The following ZNF292 variants were observed in gnomAD, a reference collection of about 807,000 sequenced individuals.
ZNF292 encodes the protein zinc finger protein 292.
Under a neutral mutation model 217.9 loss-of-function variants are expected in ZNF292, and 26 were observed. The observed-to-expected ratio is 0.12, with a 90% CI of 0.09 to 0.17. ZNF292 has a LOEUF of 0.17. Ranked by LOEUF, ZNF292 falls within the 10% of genes least tolerant of loss-of-function variation. The pLI is 1.00. For synonymous variants in ZNF292, 1,257 were observed against 1,124.1 expected, an observed-to-expected ratio of 1.12 and a Z score of -2.37; for missense variants, 2,904 against 3,175.2, an observed-to-expected ratio of 0.91 and a Z score of 2.05.
In ZNF292 at chr6:87,257,093, A is replaced by T; in HGVS notation, c.3464A>T (p.Tyr1155Phe). The change falls in exon 8 of 8, where the codon TAT (tyrosine) becomes TTT (phenylalanine). Residue 1155 changes from tyrosine (Y) to phenylalanine (F), a missense_variant. By Grantham distance (22) the Tyr-to-Phe change is conservative. Transcript: ENST00000369577. ...ACACCAAATAATGGAAAGTTTGTTT[A>T]TTTTTTGCCATCACCGGTGAACAGC... is the stretch of plus-strand genomic sequence containing the variant. Reference protein sequence around the residue: ...LNTPNNGKFVYFLPSPVNSSN... With the variant: ...LNTPNNGKFVFFLPSPVNSSN... 6.2e-7 allele frequency: 1 copy of T among 1,613,876 alleles called. No individual in the cohort carries two copies. Among genetic ancestry groups the T allele is most frequent in the Non-Finnish European group, 8.5e-7 (1 of 1,179,834 alleles).
At chr6:87,174,609 G>A (rs1474582215) in intron 1 of ZNF292, among the ~76,000 whole-genome samples, 1 of 152,052 alleles carries the variant, frequency 6.6e-6, no homozygotes, top group Non-Finnish European at 1.5e-5. Context: ...TACTAAGATA[G>A]TGAATGTTCT....
At chr6:87,236,049 C>G (rs1454949732) in intron 5 of ZNF292, among the ~76,000 whole-genome samples, 1 of 152,134 alleles carries the variant, frequency 6.6e-6, no homozygotes, top group East Asian at 1.9e-4. Context: ...ATTCATTGTT[C>G]CATATGAGGT....
At position 87,263,687 on chromosome 6, in the gene ZNF292, A is replaced by G. The variant is rs1404090019; in HGVS notation, c.*1886A>G. 6.6e-6 allele frequency: 1 copy of G among 152,108 alleles called. No individual in the cohort carries two copies. Among genetic ancestry groups the G allele is most frequent in the Non-Finnish European group, 1.5e-5 (1 of 67,972 alleles). 9.4% of individuals were successfully genotyped at this position (152,108 alleles called of 1,614,324 possible). On this transcript the variant is annotated 3_prime_UTR_variant, in exon 8 of 8. Coordinates refer to ENST00000369577, the MANE Select transcript of ZNF292 (RefSeq NM_015021.3). ...AATAAAAGTTATTTTATGGGTGATT[A>G]ATACATGGGTTTTCTTTTTCCTAAA...
At chr6:87,164,824 G>A (rs535382367) in intron 1 of ZNF292, among the ~76,000 whole-genome samples, 5 of 93,094 alleles carry the variant, frequency 5.4e-5, no homozygotes, top group African/African-American at 3.6e-4. Flanking sequence ...GTGCAGTGGG[G>A]TGATCTCGAC....
chr6:87,169,777 G>GCTGGGACTACAGATGTGCGCTA, intron 1 of ZNF292: 1 of 403,892 alleles, frequency 2.5e-6, no homozygotes, highest in South Asian at 1.7e-5. Context: ...CTCTTGGATA[G>GCTGGGACTACAGATGTGCGCTA]CTGGGACTAC....
intron 1 of ZNF292, among the ~76,000 whole-genome samples, chr6:87,180,848 C>T (rs1282676603): frequency 6.6e-6 from 1 of 152,146 alleles, no homozygotes; most frequent in African/African-American, 2.4e-5. Flanking sequence ...ATTTTCATTA[C>T]ACATTGATAG....
chr6:87,245,488 CT>C lies in ZNF292; in HGVS notation c.879-4del, dbSNP rs747572624. 0.045 allele frequency: 44,905 copies of C among 990,654 alleles called. 173 individuals are homozygous for C. The highest frequency in any genetic ancestry group is 0.049 in the Non-Finnish European group (35,806 of 736,170). The allele number at this position is 990,654 out of a possible 1,614,324, so 61.4% of individuals were successfully genotyped here. ...ACTGCTCCAACTTTTCTTATTATAACTTTTTTTTTTTAAGGGAACTTACTCT... is the reference window on the plus strand; with the variant it reads ...ACTGCTCCAACTTTTCTTATTATAACTTTTTTTTTTAAGGGAACTTACTCT... On this transcript the variant is annotated splice_polypyrimidine_tract_variant and intron_variant, in intron 6 of 7. Coordinates refer to ENST00000369577, the MANE Select transcript of ZNF292 (RefSeq NM_015021.3).
chr6:87,215,872 T>G, intron 1 of ZNF292, 31 bp from the exon 2 acceptor site: 1 of 1,534,460 alleles, frequency 6.5e-7, no homozygotes, highest in Non-Finnish European at 8.7e-7. Flanking sequence ...ATTTACATTT[T>G]GAATACTTTT....
chr6:87,177,477 T>C (rs1771339709), intron 1 of ZNF292, among the ~76,000 whole-genome samples: 1 of 152,334 alleles, frequency 6.6e-6, no homozygotes, highest in Middle Eastern at 3.4e-3. Context: ...ACTGGCTACA[T>C]AGTTTTCTTG....
chr6:87,243,949 T>A (rs1447776654), intron 6 of ZNF292, among the ~76,000 whole-genome samples: 1 of 152,196 alleles, frequency 6.6e-6, no homozygotes, highest in Non-Finnish European at 1.5e-5. Flanking sequence ...TTATGGTACA[T>A]TTTCAGTTGG....
chr6:87,238,639 AT>A (rs71018004), intron 5 of ZNF292, among the ~76,000 whole-genome samples: 69,360 of 135,958 alleles, frequency 0.51, 17,269 homozygotes, highest in African/African-American at 0.6. Context: ...GTAAGTATTT[AT>A]TTTTTTTATT....
At chr6:87,206,387 T>C (rs894501947) in intron 1 of ZNF292, among the ~76,000 whole-genome samples, 2 of 152,196 alleles carry the variant, frequency 1.3e-5, no homozygotes, top group Non-Finnish European at 2.9e-5. Flanking sequence ...AATAGTACCA[T>C]GAATACCCAC....
chr6:87,213,563 G>A (rs182054915), intron 1 of ZNF292, among the ~76,000 whole-genome samples: 4 of 152,214 alleles, frequency 2.6e-5, no homozygotes, highest in East Asian at 1.9e-4. Context: ...GTAGTTTGGC[G>A]GGAAGGATGG....
At chr6:87,199,129 A>G (rs1772038201) in intron 1 of ZNF292, among the ~76,000 whole-genome samples, 1 of 152,250 alleles carries the variant, frequency 6.6e-6, no homozygotes, top group East Asian at 1.9e-4. Context: ...TTAGCAATGC[A>G]TGAGAGTTAC....
At chr6:87,252,136 G>T (rs868191716) in intron 7 of ZNF292, among the ~76,000 whole-genome samples, 24 of 142,442 alleles carry the variant, frequency 1.7e-4, no homozygotes, top group Middle Eastern at 3.6e-3. Context: ...TCTGTTTGTT[G>T]TTTGTTTTTT....
Position 87,261,915 on chromosome 6 carries a change from C to T in ZNF292, c.*114C>T. ...TTTTTTTGTTGTTGACATGAATTAACCTGGCCAAAAACAAAAAAGAAAAAA... is the reference window on the plus strand; with the variant it reads ...TTTTTTTGTTGTTGACATGAATTAATCTGGCCAAAAACAAAAAAGAAAAAA... On this transcript the variant is annotated 3_prime_UTR_variant, in exon 8 of 8. Coordinates refer to ENST00000369577, the MANE Select transcript of ZNF292 (RefSeq NM_015021.3). 2 of 823,154 alleles carry T rather than the reference C, an allele frequency of 2.4e-6. No individual in the cohort carries two copies. Among genetic ancestry groups the T allele is most frequent in the Non-Finnish European group, 3.4e-6 (2 of 582,340 alleles). The allele number at this position is 823,154 out of a possible 1,614,324, so 51.0% of individuals were successfully genotyped here.
intron 1 of ZNF292, among the ~76,000 whole-genome samples, chr6:87,159,164 A>AT (rs1219548067): frequency 6.6e-6 from 1 of 152,146 alleles, no homozygotes; most frequent in East Asian, 1.9e-4. Context: ...AGATTAATAG[A>AT]TTTTTTGAAT....
chr6:87,248,966 C>T (rs183742144), intron 7 of ZNF292, among the ~76,000 whole-genome samples: 1 of 152,168 alleles, frequency 6.6e-6, no homozygotes, highest in Admixed American at 6.5e-5. Flanking sequence ...TCCTACTGGA[C>T]AGCACAGATA....
At chr6:87,195,914 G>C (rs1771941921) in intron 1 of ZNF292, among the ~76,000 whole-genome samples, 1 of 151,824 alleles carries the variant, frequency 6.6e-6, no homozygotes, top group Non-Finnish European at 1.5e-5. Context: ...TGTAATCCTT[G>C]CTAACCAGGA....
Sources: gnomAD v4.1 joint callset for allele counts (sites outside exome capture counted in the v4.1 genomes callset) on GRCh38, gnomAD v4.1.1 for gene constraint, MANE v1.5 for transcripts, NCBI Gene and HGNC (gene_info 2026-07-23, HGNC 2026-07-21) for gene names.